The following MACROD2 variants were observed in gnomAD, a reference collection of about 807,000 sequenced individuals.
MACROD2 encodes the protein ADP-ribose glycohydrolase MACROD2.
In MACROD2, 36 loss-of-function variants were observed where a neutral mutation model predicts 70.4. That is an observed-to-expected ratio of 0.51 (90% CI 0.39 to 0.68). The LOEUF is 0.68. MACROD2 is among the 30% of genes least tolerant of loss of function. The pLI is 0.00. For synonymous variants in MACROD2, 172 were observed against 178.8 expected, an observed-to-expected ratio of 0.96 and a Z score of 0.30; for missense variants, 496 against 538.4, an observed-to-expected ratio of 0.92 and a Z score of 0.78.
At chr20:14,202,961 C>T (rs1004306632) in intron 3 of MACROD2, among the ~76,000 whole-genome samples, 4 of 151,794 alleles carry the variant, frequency 2.6e-5, no homozygotes, top group African/African-American at 9.7e-5. Flanking sequence ...GCAGGAGAAT[C>T]ACTTAAACCC....
intron 5 of MACROD2, among the ~76,000 whole-genome samples, chr20:14,964,959 G>T (rs890093632): frequency 4.6e-5 from 7 of 152,212 alleles, no homozygotes; most frequent in Non-Finnish European, 8.8e-5. Flanking sequence ...TGTGAAAATT[G>T]TGTTTTGTTA....
intron 3 of MACROD2, among the ~76,000 whole-genome samples, chr20:14,134,960 C>T (rs899698843): frequency 6.6e-6 from 1 of 151,916 alleles, no homozygotes; most frequent in Non-Finnish European, 1.5e-5. Context: ...TTGGTAATGG[C>T]AACAAAGTTA....
At chr20:15,498,811 TTAAAAAA>T (rs2047330051) in intron 7 of MACROD2, among the ~76,000 whole-genome samples, 1 of 152,132 alleles carries the variant, frequency 6.6e-6, no homozygotes, top group Admixed American at 6.5e-5. Context: ...GTAATAAAGT[TTAAAAAA>T]TAAAAATTCT....
At position 14,331,190 on chromosome 20, in the gene MACROD2, C is replaced by T. The variant is rs1255223066; in HGVS notation, c.272-162289C>T. On this transcript the variant is annotated intron_variant, in intron 3 of 17. Coordinates refer to ENST00000684519, the MANE Select transcript of MACROD2 (RefSeq NM_001351661.2). ...ACCACAGTGTGTCCAAGGTGATGATCATAATGATAACCAGACATAAAATAA... is the reference window on the plus strand; with the variant it reads ...ACCACAGTGTGTCCAAGGTGATGATTATAATGATAACCAGACATAAAATAA... 1.1e-4 allele frequency among the ~76,000 whole-genome samples: 16 copies of T among 152,126 alleles called. No individual in the cohort carries two copies. The East Asian group carries it at 2.7e-3, about 26-fold the overall frequency.
intron 5 of MACROD2, among the ~76,000 whole-genome samples, chr20:14,874,783 C>T (rs989936380): frequency 5.9e-5 from 9 of 151,914 alleles, no homozygotes; most frequent in South Asian, 2.1e-4. Flanking sequence ...TGGCTCACTG[C>T]AGCCTCCACC....
chr20:14,347,431 T>C (rs204616), intron 3 of MACROD2, among the ~76,000 whole-genome samples: 105,751 of 151,982 alleles, frequency 0.7, 37,358 homozygotes, highest in Non-Finnish European at 0.75. Context: ...GTAATGAGAC[T>C]AGTATTCTAA....
chr20:14,457,386 C>T (rs1373399443), intron 3 of MACROD2, among the ~76,000 whole-genome samples: 2 of 152,040 alleles, frequency 1.3e-5, no homozygotes, highest in East Asian at 1.9e-4. Flanking sequence ...CTAATGTTTA[C>T]CATCTTGAGA....
At position 14,815,372 on chromosome 20, in the gene MACROD2, C is replaced by G. The variant is rs1230737472; in HGVS notation, c.418+130413C>G. On this transcript the variant is annotated intron_variant, in intron 5 of 17. Transcript: ENST00000684519. ...CATTTTGATTTAGGATTTTGCATGT[C>G]TGCTTTCATAAATAGGTTTTCATAT... 2.0e-5 allele frequency among the ~76,000 whole-genome samples: 3 copies of G among 152,034 alleles called. No homozygotes were observed. The East Asian group carries it at 5.8e-4, about 29-fold the overall frequency.
intron 5 of MACROD2, among the ~76,000 whole-genome samples, chr20:14,889,725 A>T (rs1168223532): frequency 6.6e-6 from 1 of 152,166 alleles, no homozygotes; most frequent in African/African-American, 2.4e-5. Context: ...AGAAAGGGCT[A>T]TGGGCAGATT....
chr20:14,251,447 T>G (rs548848960), intron 3 of MACROD2, among the ~76,000 whole-genome samples: 6 of 152,200 alleles, frequency 3.9e-5, no homozygotes, highest in African/African-American at 1.4e-4. Flanking sequence ...TGAGTAAGAT[T>G]TAACTGAACA....
chr20:15,884,560 T>A (rs2064798339), intron 9 of MACROD2, among the ~76,000 whole-genome samples: 1 of 151,924 alleles, frequency 6.6e-6, no homozygotes. Flanking sequence ...TAAGACTGAT[T>A]TGGCAGTCAC....
chr20:15,861,865 C>G (rs530271108), intron 8 of MACROD2, among the ~76,000 whole-genome samples: 3 of 152,084 alleles, frequency 2.0e-5, no homozygotes, highest in Admixed American at 6.6e-5. Context: ...CGAGAAACAC[C>G]TCATTTGATG....
chr20:14,173,707 A>G (rs1054446778), intron 3 of MACROD2, among the ~76,000 whole-genome samples: 2 of 152,092 alleles, frequency 1.3e-5, no homozygotes, highest in African/African-American at 4.8e-5. Context: ...TTGTCATATT[A>G]CCAGAATTGT....
At chr20:15,018,950 C>G (rs1200272922) in intron 5 of MACROD2, among the ~76,000 whole-genome samples, 1 of 152,208 alleles carries the variant, frequency 6.6e-6, no homozygotes, top group Non-Finnish European at 1.5e-5. Context: ...TCCCTCGAAG[C>G]TGAGCAGATG....
At chr20:14,015,702 T>G (rs372064546) in intron 2 of MACROD2, among the ~76,000 whole-genome samples, 16 of 152,360 alleles carry the variant, frequency 1.1e-4, no homozygotes, top group South Asian at 4.1e-4. Flanking sequence ...CAGTTGTAGA[T>G]ACAATCATGT....
At chr20:15,391,812 G>C (rs1389865377) in intron 6 of MACROD2, among the ~76,000 whole-genome samples, 1 of 152,056 alleles carries the variant, frequency 6.6e-6, no homozygotes, top group Non-Finnish European at 1.5e-5. Flanking sequence ...ACCGTTGAAG[G>C]GCTTCACTTT....
At chr20:15,610,142 A>T (rs1166076959) in intron 8 of MACROD2, among the ~76,000 whole-genome samples, 1 of 152,216 alleles carries the variant, frequency 6.6e-6, no homozygotes, top group Non-Finnish European at 1.5e-5. Flanking sequence ...ATCAAACATG[A>T]AGTGGGTAGA....
At chr20:15,151,225 C>T (rs546527229) in intron 5 of MACROD2, among the ~76,000 whole-genome samples, 19 of 152,090 alleles carry the variant, frequency 1.2e-4, no homozygotes, top group South Asian at 4.2e-4. Flanking sequence ...AGAGATGGGA[C>T]GCGGCTTACG....
At chr20:15,110,164 G>A (rs978556881) in intron 5 of MACROD2, among the ~76,000 whole-genome samples, 12 of 151,994 alleles carry the variant, frequency 7.9e-5, no homozygotes, top group African/African-American at 2.7e-4. Context: ...GTGTGCCCTG[G>A]GTTTGTCTTG....
Sources: gnomAD v4.1 joint callset for allele counts (sites outside exome capture counted in the v4.1 genomes callset) on GRCh38, gnomAD v4.1.1 for gene constraint, MANE v1.5 for transcripts, NCBI Gene and HGNC (gene_info 2026-07-23, HGNC 2026-07-21) for gene names.